Variants in TOPBP1 observed in about 807,000 individuals in gnomAD.
TOPBP1 encodes the protein DNA topoisomerase 2-binding protein 1.
A neutral mutation model predicts 167.7 loss-of-function variants in TOPBP1; 28 were observed. The observed-to-expected ratio is 0.17, with a 90% CI of 0.12 to 0.23. TOPBP1 has a LOEUF of 0.23. TOPBP1 is among the 10% of genes least tolerant of loss of function. The probability of loss-of-function intolerance (pLI) is 1.00; values close to 1 mark genes in which losing one functional copy is unlikely to be tolerated. For synonymous variants in TOPBP1, 598 were observed against 611.4 expected, an observed-to-expected ratio of 0.98 and a Z score of 0.32; for missense variants, 1,554 against 1,809.6, an observed-to-expected ratio of 0.86 and a Z score of 2.56.
Position 133,606,772 on chromosome 3 carries a change from C to G in TOPBP1, c.4425+1763G>C, listed in dbSNP as rs548103091. ...CTTTTGTGGGAAAGGAAAATCTGTT[C>G]AACAAATGGTGCTAGAACACCTAGA... On this transcript the variant is annotated intron_variant, in intron 27 of 27. Transcript: ENST00000260810. Among the ~76,000 whole-genome samples, 7 of 151,964 alleles carry G rather than the reference C, an allele frequency of 4.6e-5. No homozygotes were observed. The South Asian group carries it at 1.5e-3, about 32-fold the overall frequency.
intron 4 of TOPBP1, 34 bp from the exon 5 acceptor site, chr3:133,656,891 A>C: frequency 6.8e-7 from 1 of 1,474,228 alleles, no homozygotes; most frequent in Non-Finnish European, 9.0e-7. Context: ...TTAATGCTGA[A>C]GCAAACAATA....
chr3:133,660,163 G>A (rs1201488120), intron 2 of TOPBP1, among the ~76,000 whole-genome samples: 1 of 152,046 alleles, frequency 6.6e-6, no homozygotes, highest in East Asian at 1.9e-4. Flanking sequence ...TATCTGCAAG[G>A]CTATCTCACC....
In TOPBP1 at chr3:133,637,780, T is replaced by C. The variant is rs149941984; in HGVS notation, c.2520+96A>G. 834 of 1,329,952 alleles carry C rather than the reference T, an allele frequency of 6.3e-4. 2 individuals carry two copies. Among genetic ancestry groups the C allele is most frequent in the Admixed American group, 1.1e-3 (41 of 38,036 alleles). 82.4% of individuals were successfully genotyped at this position (1,329,952 alleles called of 1,614,324 possible). Reference sequence around the variant, plus strand: ...TCTACTTGCCAATGTCTCTGGAAAATTTATTACTACACTTCAGAGGTGATG... The same window carrying C: ...TCTACTTGCCAATGTCTCTGGAAAACTTATTACTACACTTCAGAGGTGATG... On this transcript the variant is annotated intron_variant, in intron 14 of 27. Transcript: ENST00000260810.
chr3:133,614,842 G>A (rs1409924773), intron 23 of TOPBP1, among the ~76,000 whole-genome samples: 3 of 130,170 alleles, frequency 2.3e-5, no homozygotes, highest in East Asian at 2.8e-4. Flanking sequence ...TGGGGGGAGG[G>A]GGGAGGGATA....
intron 27 of TOPBP1, among the ~76,000 whole-genome samples, chr3:133,601,838 AACTT>A: frequency 6.6e-6 from 1 of 152,328 alleles, no homozygotes; most frequent in Non-Finnish European, 1.5e-5. Context: ...AGTGTAATAA[AACTT>A]AATTTTCTAG....
intron 14 of TOPBP1, among the ~76,000 whole-genome samples, chr3:133,634,446 T>C (rs1212616527): frequency 3.9e-5 from 6 of 151,998 alleles, no homozygotes; most frequent in Non-Finnish European, 7.4e-5. Flanking sequence ...GAGGCAGAGG[T>C]TGCAGTGAGC....
chr3:133,628,177 G>A lies in TOPBP1; in HGVS notation c.2804+185C>T. The A allele has an allele frequency of 1.5e-5, 9 of 598,078 alleles. No individual in the cohort carries two copies. The South Asian group carries it at 1.9e-4, about 12-fold the overall frequency. The allele number at this position is 598,078 out of a possible 1,614,324, so 37.0% of individuals were successfully genotyped here. On this transcript the variant is annotated intron_variant, in intron 16 of 27. Transcript: ENST00000260810. The stretch of plus-strand genomic sequence containing the variant: ...AAAAATATACATTATATACATATAA[G>A]AGTGAATTGATATGTGAGAGGCTAT...
chr3:133,604,504 A>G (rs1372793278), intron 27 of TOPBP1, among the ~76,000 whole-genome samples: 2 of 151,920 alleles, frequency 1.3e-5, no homozygotes, highest in East Asian at 1.9e-4. Flanking sequence ...AACAAATTTG[A>G]TAAGATGAAA....
At chr3:133,634,844 G>T (rs899419894) in intron 14 of TOPBP1, among the ~76,000 whole-genome samples, 3 of 152,166 alleles carry the variant, frequency 2.0e-5, no homozygotes, top group Non-Finnish European at 4.4e-5. Context: ...CCTACCAAAA[G>T]TGACAGGTAA....
chr3:133,639,962 C>T lies in TOPBP1; in HGVS notation c.2230G>A (p.Glu744Lys). 1 of 1,613,426 alleles carries T rather than the reference C, an allele frequency of 6.2e-7. No homozygotes were observed. The highest frequency in any genetic ancestry group is 8.5e-7 in the Non-Finnish European group (1 of 1,179,658). The change falls in exon 13 of 28, where the codon GAA becomes AAA. Residue 744 changes from glutamate to lysine, a missense_variant. Physicochemically the swap from Glu to Lys is moderately conservative, Grantham distance 56. Transcript: ENST00000260810. ...SHFLIENSTK[E>K]ERSLETEITN... ...AGAACAGAATAAAAGTATTAACCTT[C>T]TTTAGTTGAATTTTCAATCAGAAAA...
chr3:133,617,084 T>G (rs1478647911), intron 22 of TOPBP1, 76 bp downstream of exon 22: 2 of 1,493,862 alleles, frequency 1.3e-6, no homozygotes. Flanking sequence ...AGCCTTGATA[T>G]TGACATCAAC....
intron 27 of TOPBP1, among the ~76,000 whole-genome samples, chr3:133,602,769 C>T (rs936446371): frequency 7.2e-5 from 11 of 152,092 alleles, no homozygotes; most frequent in African/African-American, 2.4e-4. Flanking sequence ...TTCCAACAAA[C>T]CTTTATTTAT....
Position 133,611,152 on chromosome 3 carries a change from T to C in TOPBP1, c.4036-11A>G. Reference sequence around the variant, plus strand: ...TTCATAGTCTTCTTCCTAGAGAATTTGTCCAACAAACCTGAGTTGTTACAG... The same window carrying C: ...TTCATAGTCTTCTTCCTAGAGAATTCGTCCAACAAACCTGAGTTGTTACAG... On this transcript the variant is annotated splice_polypyrimidine_tract_variant and intron_variant, in intron 24 of 27. Coordinates refer to ENST00000260810, the MANE Select transcript of TOPBP1 (RefSeq NM_007027.4). 6.2e-7 allele frequency: 1 copy of C among 1,607,256 alleles called. No homozygotes were observed.
Position 133,601,155 on chromosome 3 carries a change from T to G in TOPBP1, c.*95A>C. The G allele has an allele frequency of 9.3e-7, 1 of 1,080,868 alleles. No homozygotes were observed. The highest frequency in any genetic ancestry group is 1.3e-6 in the Non-Finnish European group (1 of 753,794). 67.0% of individuals were successfully genotyped at this position (1,080,868 alleles called of 1,614,324 possible). On this transcript the variant is annotated 3_prime_UTR_variant, in exon 28 of 28. Coordinates refer to ENST00000260810, the MANE Select transcript of TOPBP1 (RefSeq NM_007027.4). Reference sequence around the variant, plus strand: ...CTCTGAAGCAGAATTCTTCAGGTACTCATCTTTAAATTACTACCCAAATCT... The same window carrying G: ...CTCTGAAGCAGAATTCTTCAGGTACGCATCTTTAAATTACTACCCAAATCT...
At chr3:133,604,819 T>TGAGGCAG (rs1259595077) in intron 27 of TOPBP1, among the ~76,000 whole-genome samples, 1 of 151,888 alleles carries the variant, frequency 6.6e-6, no homozygotes, top group Admixed American at 6.6e-5. Flanking sequence ...CTTGGGAGAC[T>TGAGGCAG]GAGGCAGGAG....
intron 27 of TOPBP1, among the ~76,000 whole-genome samples, chr3:133,604,226 C>T (rs1312356470): frequency 1.3e-5 from 2 of 151,678 alleles, no homozygotes; most frequent in African/African-American, 4.8e-5. Flanking sequence ...CCTCTGCCTC[C>T]CAGGTTCAAG....
At position 133,657,888 on chromosome 3, in the gene TOPBP1, C is replaced by T. The variant is rs1936533272; in HGVS notation, c.273G>A (p.Gln91=). Residue 91 remains glutamine, a synonymous_variant, in exon 4 of 28, where the codon CAG becomes CAA. Transcript: ENST00000260810. ...GATGTTCGGCTCTTGGGACACATCG[C>T]TGGTGGTGCATACAAAATATGACTA... ...PQVVIFCMHH[Q]RCVPRAEHPV... The T allele has an allele frequency of 1.3e-6, 2 of 1,599,328 alleles. No homozygotes were observed. The highest frequency in any genetic ancestry group is 1.4e-5 in the African/African-American group (1 of 73,774).
At chr3:133,642,467 T>A (rs1034409657) in intron 12 of TOPBP1, among the ~76,000 whole-genome samples, 2 of 152,258 alleles carry the variant, frequency 1.3e-5, no homozygotes, top group Admixed American at 6.5e-5. Flanking sequence ...GCCAGAGTTG[T>A]ACTAAAGTCT....
At chr3:133,622,126 A>C (rs62282417) in intron 19 of TOPBP1, among the ~76,000 whole-genome samples, 21,473 of 150,576 alleles carry the variant, frequency 0.14, 1,863 homozygotes, top group Non-Finnish European at 0.2. Context: ...ATAAAACACT[A>C]CCCAAGGTAA....
Sources: allele counts gnomAD v4.1 joint callset (sites outside exome capture counted in the v4.1 genomes callset), GRCh38; gene constraint gnomAD v4.1.1; transcripts MANE v1.5; gene names NCBI Gene and HGNC (gene_info 2026-07-23, HGNC 2026-07-21).